Variants in TPM1 observed in about 807,000 individuals in gnomAD.
TPM1 encodes tropomyosin alpha-1 chain.
In TPM1, 24 loss-of-function variants were observed where a neutral mutation model predicts 42.9. The ratio of observed to expected loss-of-function variants is 0.56; its 90% CI spans 0.41 to 0.79. The LOEUF is 0.79. TPM1 is among the 30% of genes least tolerant of loss of function. The pLI is 0.00. For missense variants in TPM1, 158 were observed against 351.8 expected (o/e 0.45, Z 4.41); for synonymous variants, 136 against 130.1 (o/e 1.05, Z -0.31).
At chr15:63,056,869 A>G (rs1020968473) in intron 2 of TPM1, 116 bp from the exon 3 acceptor site, 9 of 1,392,838 alleles carry the variant, frequency 6.5e-6, no homozygotes, top group South Asian at 1.2e-5. Context: ...ACTTAAAGGT[A>G]GCTCACCACA....
downstream of TPM1, among the ~76,000 whole-genome samples, chr15:63,068,118 G>C (rs2036387535): frequency 6.6e-6 from 1 of 152,210 alleles, no homozygotes; most frequent in Non-Finnish European, 1.5e-5. Flanking sequence ...TATGTCCATA[G>C]TGTGAATGTA....
At chr15:63,070,845 GT>G, downstream of TPM1, 2 of 1,299,258 alleles carry the variant, frequency 1.5e-6, no homozygotes, top group Non-Finnish European at 2.0e-6. Context: ...TTTATCCTCA[GT>G]GAATTGTTGG....
intron 2 of TPM1, 56 bp from the exon 3 acceptor site, chr15:63,056,928 GA>G: frequency 6.2e-7 from 1 of 1,612,982 alleles, no homozygotes; most frequent in African/African-American, 1.3e-5. Context: ...GCCATTTCCT[GA>G]AGCTACCACC....
At chr15:63,065,685 T>C (rs2036199017) in intron 9 of TPM1, 1 of 976,658 alleles carries the variant, frequency 1.0e-6, no homozygotes, top group African/African-American at 1.8e-5. Context: ...ATGGGTCTTC[T>C]TAAAATGGAC....
intron 2 of TPM1, chr15:63,045,935 T>A (rs191337946): frequency 6.6e-6 from 1 of 152,310 alleles, no homozygotes; most frequent in East Asian, 1.9e-4. Flanking sequence ...TAGGACACTT[T>A]AGGTTGTCTG....
intron 2 of TPM1, among the ~76,000 whole-genome samples, chr15:63,052,897 A>G (rs2034164728): frequency 6.6e-6 from 1 of 152,266 alleles, no homozygotes; most frequent in African/African-American, 2.4e-5. Flanking sequence ...TGATTAAATT[A>G]TAAAATTAAG....
chr15:63,043,645 T>C (rs1481009367), intron 1 of TPM1: 1 of 1,535,058 alleles, frequency 6.5e-7, no homozygotes, highest in African/African-American at 1.4e-5. Context: ...CGCCCGTGTG[T>C]TGTGTGTGTC....
downstream of TPM1, chr15:63,069,876 T>A: frequency 6.2e-7 from 1 of 1,614,112 alleles, no homozygotes; most frequent in Non-Finnish European, 8.5e-7. Flanking sequence ...ACAGATCAAC[T>A]CTACCAGCAA....
chr15:63,062,529 C>T, intron 7 of TPM1, 47 bp from the exon 8 acceptor site: 1 of 1,601,578 alleles, frequency 6.2e-7, no homozygotes. Context: ...TTTGTAGCTA[C>T]AGGAAACATA....
chr15:63,064,642 C>A, intron 9 of TPM1: 1 of 1,001,392 alleles, frequency 1.0e-6, no homozygotes. Context: ...AACAGTGGTA[C>A]TACAAAAGAT....
rs143877453 is a variant in TPM1 at position 63,065,864 on chromosome 15, T to G, written c.852-32T>G. 3.7e-4 allele frequency: 589 copies of G among 1,605,432 alleles called. 2 individuals are homozygous for G. The East Asian group carries it at 9.1e-3, about 25-fold the overall frequency. Reference sequence around the variant, plus strand: ...TTTTTTTTTCTCATTGTGCCACTTTTTTTTTCCTCCCACCTTTTTATCTTC... The same window carrying G: ...TTTTTTTTTCTCATTGTGCCACTTTGTTTTTCCTCCCACCTTTTTATCTTC... On this transcript the variant is annotated intron_variant, in intron 9 of 9. Coordinates refer to ENST00000403994, the MANE Select transcript of TPM1 (RefSeq NM_001018005.2).
chr15:63,043,117 T>G, intron 1 of TPM1, 174 bp downstream of exon 1: 3 of 621,690 alleles, frequency 4.8e-6, no homozygotes, highest in Non-Finnish European at 8.6e-6. Context: ...AGAGCCAGGC[T>G]TAGTCTAACT....
chr15:63,059,500 G>A, intron 3 of TPM1, 63 bp from the exon 4 acceptor site: 1 of 1,291,418 alleles, frequency 7.7e-7, no homozygotes, highest in South Asian at 1.2e-5. Flanking sequence ...CCACAGCAGT[G>A]CAGTGTGCAT....
At chr15:63,048,786 C>CG in intron 2 of TPM1, 1 of 1,495,752 alleles carries the variant, frequency 6.7e-7, no homozygotes, top group Non-Finnish European at 8.9e-7. Flanking sequence ...TCCTGCTTCC[C>CG]CCCCCGCAGG....
intron 1 of TPM1, 34 bp from the exon 2 acceptor site, chr15:63,043,993 C>G (rs1290466159): frequency 1.2e-6 from 2 of 1,607,408 alleles, no homozygotes; most frequent in African/African-American, 1.3e-5. Flanking sequence ...TGCTGCACCC[C>G]CCTCCCTCCC....
intron 1 of TPM1, chr15:63,043,650 T>TGTGTCTAAC: frequency 1.3e-6 from 2 of 1,535,714 alleles, no homozygotes; most frequent in East Asian, 4.9e-5. Context: ...GTGTGTTGTG[T>TGTGTCTAAC]GTGTCTAACA....
chr15:63,066,596 A>G (rs967142112), downstream of TPM1, among the ~76,000 whole-genome samples: 4 of 152,238 alleles, frequency 2.6e-5, no homozygotes, highest in African/African-American at 9.7e-5. Flanking sequence ...GAAGTTATAC[A>G]TTGAGAAGGG....
At chr15:63,064,373 A>G in intron 9 of TPM1, 19 of 1,399,088 alleles carry the variant, frequency 1.4e-5, no homozygotes, top group Non-Finnish European at 1.8e-5. Context: ...TATTTTGTAA[A>G]CGCTGAACTA....
intron 3 of TPM1, among the ~76,000 whole-genome samples, chr15:63,058,666 A>G (rs1427197307): frequency 6.6e-6 from 1 of 152,176 alleles, no homozygotes; most frequent in Non-Finnish European, 1.5e-5. Context: ...CCAAGATCAC[A>G]CCACCGCACT....
Sources: allele counts gnomAD v4.1 joint callset (sites outside exome capture counted in the v4.1 genomes callset), GRCh38; gene constraint gnomAD v4.1.1; transcripts MANE v1.5; gene names NCBI Gene and HGNC (gene_info 2026-07-23, HGNC 2026-07-21).